COL5A2: variants seen among roughly 807,000 people sequenced by gnomAD.
COL5A2 encodes collagen type V alpha 2 chain.
Under a neutral mutation model 208.2 loss-of-function variants are expected in COL5A2, and 23 were observed. That is an observed-to-expected ratio of 0.11 (90% CI 0.08 to 0.16). The LOEUF is 0.16. Ranked by LOEUF, COL5A2 falls within the 10% of genes least tolerant of loss-of-function variation. The pLI, the probability that COL5A2 is intolerant of heterozygous loss-of-function variation, is 1.00. For synonymous variants in COL5A2, 625 were observed against 628.5 expected (o/e 0.99, Z 0.08); for missense variants, 1,590 against 1,956.4 (o/e 0.81, Z 3.53).
At chr2:189,067,070 G>C (rs530841501) in intron 21 of COL5A2, among the ~76,000 whole-genome samples, 1 of 152,126 alleles carries the variant, frequency 6.6e-6, no homozygotes, top group East Asian at 1.9e-4. Context: ...TAGAATTATT[G>C]AGTTATTATT....
chr2:189,358,574 T>TA, the COL5A2 span, among the ~76,000 whole-genome samples: 86 of 152,310 alleles, frequency 5.6e-4, no homozygotes, highest in African/African-American at 2.0e-3. Flanking sequence ...TGTGGTTCCA[T>TA]ATAAATTTTA....
At chr2:189,280,003 G>T in the COL5A2 span, among the ~76,000 whole-genome samples, 1 of 152,026 alleles carries the variant, frequency 6.6e-6, no homozygotes, top group Non-Finnish European at 1.5e-5. Flanking sequence ...AGAGACCCAA[G>T]AGAGCTCTCT....
chr2:189,392,516 C>T, the COL5A2 span, among the ~76,000 whole-genome samples: 1 of 152,070 alleles, frequency 6.6e-6, no homozygotes, highest in Non-Finnish European at 1.5e-5. Context: ...TTTCTTCTTC[C>T]TTTAACTTTA....
At chr2:189,432,862 A>G in the COL5A2 span, among the ~76,000 whole-genome samples, 1 of 152,188 alleles carries the variant, frequency 6.6e-6, no homozygotes, top group East Asian at 1.9e-4. Flanking sequence ...CTCCACCCCA[A>G]ATCAAAAGAA....
intron 46 of COL5A2, 49 bp downstream of exon 46, chr2:189,045,751 A>T (rs745490145): frequency 7.2e-7 from 1 of 1,397,632 alleles, no homozygotes; most frequent in Non-Finnish European, 1.0e-6. Flanking sequence ...CTTATAACAT[A>T]GCATATGGGT....
intron 9 of COL5A2, 53 bp downstream of exon 9, chr2:189,086,673 T>C: frequency 1.5e-6 from 2 of 1,345,464 alleles, no homozygotes; most frequent in South Asian, 1.2e-5. Context: ...ATGTAATATA[T>C]GTGTGTGTGT....
Position 189,045,925 on chromosome 2 carries a change from G to T in COL5A2, c.3202-18C>A, listed in dbSNP as rs892620136. 6.3e-6 allele frequency: 10 copies of T among 1,596,352 alleles called. No individual in the cohort carries two copies. The highest frequency in any genetic ancestry group is 8.6e-6 in the Non-Finnish European group (10 of 1,164,256). ...CGATCACCCTAACAAGAATAACCAT[G>T]ATATTATTTTTTAACATTTATTCTA... On this transcript the variant is annotated intron_variant, in intron 45 of 53. Coordinates refer to ENST00000374866, the MANE Select transcript of COL5A2 (RefSeq NM_000393.5).
intron 6 of COL5A2, among the ~76,000 whole-genome samples, chr2:189,096,437 C>T (rs115917995): frequency 0.011 from 1,732 of 151,694 alleles, 13 homozygotes; most frequent in Admixed American, 0.035. Context: ...CTGGCTAACA[C>T]GGTGAAAACT....
the COL5A2 span, among the ~76,000 whole-genome samples, chr2:189,413,967 T>A: frequency 2.6e-3 from 402 of 152,088 alleles, no homozygotes; most frequent in African/African-American, 9.1e-3. Context: ...AATTTGTGTA[T>A]TTTTAGTAGA....
the COL5A2 span, among the ~76,000 whole-genome samples, chr2:189,284,972 T>C: frequency 6.6e-6 from 1 of 152,004 alleles, no homozygotes; most frequent in African/African-American, 2.4e-5. Flanking sequence ...GGGGTAATTC[T>C]TGTTGTTATT....
At chr2:189,331,305 T>C in the COL5A2 span, among the ~76,000 whole-genome samples, 1 of 152,080 alleles carries the variant, frequency 6.6e-6, no homozygotes, top group Admixed American at 6.6e-5. Flanking sequence ...CAGAGGCAGA[T>C]GGATCACGAG....
chr2:189,285,071 G>GGTGTGTGT, the COL5A2 span, among the ~76,000 whole-genome samples: 14,958 of 139,600 alleles, frequency 0.11, 945 homozygotes, highest in Non-Finnish European at 0.13. Context: ...GCATGCACAT[G>GGTGTGTGT]GTGTGTGTGT....
intron 13 of COL5A2, 147 bp from the exon 14 acceptor site, chr2:189,080,178 A>G: frequency 1.5e-6 from 1 of 667,710 alleles, no homozygotes; most frequent in South Asian, 1.8e-5. Flanking sequence ...CAAATTCTCA[A>G]ACTTTTCTGA....
chr2:189,392,546 C>T, the COL5A2 span, among the ~76,000 whole-genome samples: 71 of 152,270 alleles, frequency 4.7e-4, 1 homozygote, highest in African/African-American at 1.7e-3. Flanking sequence ...TATACTTCCA[C>T]ATGCACCTAT....
chr2:189,370,476 T>C, the COL5A2 span, among the ~76,000 whole-genome samples: 1 of 152,162 alleles, frequency 6.6e-6, no homozygotes, highest in Non-Finnish European at 1.5e-5. Flanking sequence ...AAACTTTTGA[T>C]ATATAATTTC....
At chr2:189,113,920 A>G (rs2105720301) in intron 1 of COL5A2, among the ~76,000 whole-genome samples, 1 of 152,220 alleles carries the variant, frequency 6.6e-6, no homozygotes, top group African/African-American at 2.4e-5. Context: ...GTTGGAATAA[A>G]AAGACACATT....
chr2:189,394,039 C>T, the COL5A2 span, among the ~76,000 whole-genome samples: 1 of 152,118 alleles, frequency 6.6e-6, no homozygotes, highest in Non-Finnish European at 1.5e-5. Context: ...TGAGGCCTCA[C>T]CTTGAGCATA....
the COL5A2 span, among the ~76,000 whole-genome samples, chr2:189,357,307 G>C: frequency 6.6e-6 from 1 of 152,136 alleles, no homozygotes; most frequent in Non-Finnish European, 1.5e-5. Flanking sequence ...AGGCAGGGAC[G>C]TTTAAGTCTG....
intron 1 of COL5A2, among the ~76,000 whole-genome samples, chr2:189,214,102 TA>T (rs1689249467): frequency 6.6e-6 from 1 of 152,144 alleles, no homozygotes; most frequent in East Asian, 1.9e-4. Flanking sequence ...CATAGATTTT[TA>T]AAAATATGTA....
Sources: gnomAD v4.1 joint callset for allele counts (sites outside exome capture counted in the v4.1 genomes callset) on GRCh38, gnomAD v4.1.1 for gene constraint, MANE v1.5 for transcripts, NCBI Gene and HGNC (gene_info 2026-07-23, HGNC 2026-07-21) for gene names.